Variants in RGS7 observed in about 807,000 individuals in gnomAD.
RGS7 encodes the protein regulator of G-protein signaling 7.
RGS7 carries 27 observed loss-of-function variants against 81.1 expected under a neutral mutation model. The ratio of observed to expected loss-of-function variants is 0.33; its 90% CI spans 0.25 to 0.46. RGS7 has a LOEUF of 0.46. Among genes scored for constraint, RGS7 ranks in the 20% least tolerant of loss-of-function variants. RGS7 has a pLI of 1.00. For synonymous variants in RGS7, 208 were observed against 207.7 expected, an observed-to-expected ratio of 1.00 and a Z score of -0.01; for missense variants, 396 against 607.4, an observed-to-expected ratio of 0.65 and a Z score of 3.66.
At chr1:240,989,205 C>T (rs541098198) in intron 3 of RGS7, among the ~76,000 whole-genome samples, 2 of 151,494 alleles carry the variant, frequency 1.3e-5, no homozygotes, top group Admixed American at 6.6e-5. Context: ...GTTGGGGGGC[C>T]GAGGCAGGTG....
intron 2 of RGS7, among the ~76,000 whole-genome samples, chr1:241,159,037 G>A (rs1418738650): frequency 6.6e-6 from 1 of 152,140 alleles, no homozygotes; most frequent in East Asian, 1.9e-4. Flanking sequence ...CAAGATATAT[G>A]AGCTTTTTCA....
intron 4 of RGS7, among the ~76,000 whole-genome samples, chr1:240,952,804 T>C (rs261848): frequency 0.99 from 149,764 of 151,926 alleles, 73,857 homozygotes; most frequent in East Asian, 1. Context: ...AATAAACTAA[T>C]TTTAAATATA....
rs554284391 is a variant in RGS7 at position 241,063,747 on chromosome 1, G to A, written c.175+34919C>T. Among the ~76,000 whole-genome samples, 6 of 147,376 alleles carry A rather than the reference G, an allele frequency of 4.1e-5. 1 individual carries two copies. In the South Asian group the frequency reaches 8.7e-4, roughly 21 times the overall value. On this transcript the variant is annotated intron_variant, in intron 3 of 18. Transcript: ENST00000440928. ...CCTATTATGTACCAAGCACTGCTCT[G>A]TTTTTTTTTTATTGCATGTAAAAAT... is the stretch of plus-strand genomic sequence containing the variant.
chr1:240,859,530 T>C (rs949460899), intron 9 of RGS7, among the ~76,000 whole-genome samples: 14 of 151,444 alleles, frequency 9.2e-5, no homozygotes, highest in African/African-American at 2.4e-5. Flanking sequence ...ATTATTATGC[T>C]TTTAGTGTCA....
chr1:241,258,127 T>G (rs980348722), intron 2 of RGS7, among the ~76,000 whole-genome samples: 33 of 152,298 alleles, frequency 2.2e-4, no homozygotes, highest in Admixed American at 4.6e-4. Context: ...GCAAGAAGTT[T>G]ATTTCTTTTT....
At chr1:240,935,454 A>C (rs1340819255) in intron 5 of RGS7, among the ~76,000 whole-genome samples, 1 of 152,162 alleles carries the variant, frequency 6.6e-6, no homozygotes, top group South Asian at 2.1e-4. Context: ...CATTAATGTA[A>C]AGCTTTTTTA....
intron 9 of RGS7, among the ~76,000 whole-genome samples, chr1:240,862,601 AAAC>A (rs375809018): frequency 5.0e-4 from 76 of 152,356 alleles, no homozygotes; most frequent in South Asian, 1.7e-3. Context: ...GTGAAAGGGA[AAAC>A]AAAATGAAAA....
intron 2 of RGS7, among the ~76,000 whole-genome samples, chr1:241,214,225 TTTTA>T (rs2074420546): frequency 6.6e-6 from 1 of 152,100 alleles, no homozygotes. Flanking sequence ...TTCTCTCGGT[TTTTA>T]TTTATCTTAA....
chr1:240,967,575 G>GA (rs1049711528), intron 4 of RGS7, among the ~76,000 whole-genome samples: 4 of 131,046 alleles, frequency 3.1e-5, no homozygotes, highest in African/African-American at 8.0e-5. Context: ...AAGTGGGGGG[G>GA]GGGGGGAAAA....
rs114546365 is a variant in RGS7, at chr1:240,972,186, C to T, written c.226+10893G>A. 2.8e-3 allele frequency among the ~76,000 whole-genome samples: 420 copies of T among 152,128 alleles called. 4 individuals are homozygous for T. The highest frequency in any genetic ancestry group is 8.9e-3 in the African/African-American group (368 of 41,484). On this transcript the variant is annotated intron_variant, in intron 4 of 18. Transcript: ENST00000440928. ...GGTCCATGCCTCTCTTATGGTTGCC[C>T]GCCATTTATGCAAAAGCAGAATCCA...
intron 3 of RGS7, among the ~76,000 whole-genome samples, chr1:241,083,705 T>C (rs985428515): frequency 2.0e-5 from 3 of 152,254 alleles, no homozygotes; most frequent in Non-Finnish European, 4.4e-5. Context: ...GTATACTCTT[T>C]CTTTCTTATT....
chr1:241,016,549 CA>C (rs2059244686), intron 3 of RGS7, among the ~76,000 whole-genome samples: 1 of 146,832 alleles, frequency 6.8e-6, no homozygotes, highest in Non-Finnish European at 1.5e-5. Context: ...TCAACAACAA[CA>C]AAAACCAACC....
intron 14 of RGS7, among the ~76,000 whole-genome samples, chr1:240,807,330 C>T (rs570364482): frequency 6.6e-6 from 1 of 152,176 alleles, no homozygotes; most frequent in African/African-American, 2.4e-5. Context: ...AAAGGAGCTG[C>T]TAGGACTGTG....
chr1:241,227,736 AGACCTTGTGT>A (rs111450937), intron 2 of RGS7, among the ~76,000 whole-genome samples: 22 of 95,820 alleles, frequency 2.3e-4, no homozygotes, highest in Admixed American at 2.2e-3. Flanking sequence ...TAACACAGCA[AGACCTTGTGT>A]CACCTCCAGA....
chr1:241,064,983 G>A (rs2061976738), intron 3 of RGS7, among the ~76,000 whole-genome samples: 1 of 151,922 alleles, frequency 6.6e-6, no homozygotes, highest in Non-Finnish European at 1.5e-5. Flanking sequence ...ACATTAGAAA[G>A]TCACACCTAT....
chr1:241,146,066 T>A (rs1416838934), intron 2 of RGS7, among the ~76,000 whole-genome samples: 1 of 152,112 alleles, frequency 6.6e-6, no homozygotes, highest in Non-Finnish European at 1.5e-5. Flanking sequence ...ACAGCTCAGC[T>A]CTGTGGAGAG....
intron 2 of RGS7, among the ~76,000 whole-genome samples, chr1:241,235,615 C>CTTTCT (rs374077602): frequency 4.0e-5 from 6 of 148,534 alleles, no homozygotes; most frequent in East Asian, 2.0e-4. Context: ...TTCTTTCTTC[C>CTTTCT]TTTCCCTTTT....
chr1:240,779,013 C>T (rs1021491603), intron 18 of RGS7, among the ~76,000 whole-genome samples: 3 of 152,092 alleles, frequency 2.0e-5, no homozygotes, highest in Admixed American at 1.3e-4. Flanking sequence ...AAAGCTTACT[C>T]CCCAGTGTGA....
At chr1:241,044,965 C>T (rs2060838020) in intron 3 of RGS7, among the ~76,000 whole-genome samples, 1 of 152,194 alleles carries the variant, frequency 6.6e-6, no homozygotes, top group African/African-American at 2.4e-5. Context: ...TCTTCTCCTT[C>T]CTATCACTGA....
Sources: gnomAD v4.1 joint callset for allele counts (sites outside exome capture counted in the v4.1 genomes callset) on GRCh38, gnomAD v4.1.1 for gene constraint, MANE v1.5 for transcripts, NCBI Gene and HGNC (gene_info 2026-07-23, HGNC 2026-07-21) for gene names.